The following WWOX variants were observed in gnomAD, a reference collection of about 807,000 sequenced individuals.
WWOX encodes WW domain containing oxidoreductase, also known as WW domain-containing oxidoreductase.
A neutral mutation model predicts 46.2 loss-of-function variants in WWOX; 69 were observed. The observed-to-expected ratio is 1.49, with a 90% CI of 1.23 to 1.82. WWOX has a LOEUF of 1.82. Among genes scored for constraint, WWOX ranks in the 40% most tolerant of loss-of-function variants. The pLI, the probability that WWOX is intolerant of heterozygous loss-of-function variation, is 0.00. For missense variants in WWOX, 919 were observed against 542.6 expected (o/e 1.69, Z -6.89); for synonymous variants, 359 against 202.6 (o/e 1.77, Z -6.56).
chr16:78,159,328 A>G (rs1257515436), intron 4 of WWOX, among the ~76,000 whole-genome samples: 1 of 152,208 alleles, frequency 6.6e-6, no homozygotes, highest in Non-Finnish European at 1.5e-5. Context: ...ATCCAGAAGT[A>G]GGATTGCTGG....
At chr16:78,211,596 A>G (rs2036561837) in intron 5 of WWOX, among the ~76,000 whole-genome samples, 1 of 152,066 alleles carries the variant, frequency 6.6e-6, no homozygotes, top group South Asian at 2.1e-4. Context: ...GACTACATTG[A>G]TGTCTTGGAA....
chr16:78,159,719 T>A lies in WWOX; in HGVS notation c.410-4464T>A, dbSNP rs1352285940. 5.3e-5 allele frequency among the ~76,000 whole-genome samples: 8 copies of A among 149,846 alleles called. 1 individual carries two copies. The highest frequency in any genetic ancestry group is 2.0e-4 in the African/African-American group (8 of 40,884). On this transcript the variant is annotated intron_variant, in intron 4 of 8. Transcript: ENST00000566780. ...TTGCTATTGGGTTTTAGGAGTTCCT[T>A]ATATATTTTGGATATGAACACTATC...
At chr16:79,200,274 G>A (rs1168740003) in intron 8 of WWOX, among the ~76,000 whole-genome samples, 3 of 152,178 alleles carry the variant, frequency 2.0e-5, no homozygotes, top group Non-Finnish European at 4.4e-5. Flanking sequence ...GAGGGCCTTG[G>A]CCACCAGAGG....
At position 78,422,730 on chromosome 16, in the gene WWOX, TAC is replaced by T. The variant is rs1273303713; in HGVS notation, c.606-2132_606-2131del. On this transcript the variant is annotated intron_variant, in intron 6 of 8. Coordinates refer to ENST00000566780, the MANE Select transcript of WWOX (RefSeq NM_016373.4). Reference sequence around the variant, plus strand: ...ATATATACACACACACATATATATATACACACACATATATATACACATATATA... The same window carrying T: ...ATATATACACACACACATATATATATACACACATATATATACACATATATA... Among the ~76,000 whole-genome samples the T allele has an allele frequency of 1.9e-3, 180 of 92,896 alleles. 5 individuals are homozygous for T. Among genetic ancestry groups the T allele is most frequent in the African/African-American group, 0.011 (170 of 16,062 alleles). 60.9% of individuals were successfully genotyped at this position (92,896 alleles called of 152,430 possible).
chr16:78,862,314 G>T (rs192552693), intron 8 of WWOX, among the ~76,000 whole-genome samples: 1 of 150,734 alleles, frequency 6.6e-6, no homozygotes, highest in African/African-American at 2.5e-5. Context: ...ACCTATGGGT[G>T]TGTCTTTCTA....
chr16:78,801,238 G>C lies in WWOX; in HGVS notation c.1056+368486G>C, dbSNP rs562682998. Among the ~76,000 whole-genome samples, 4 of 152,204 alleles carry C rather than the reference G, an allele frequency of 2.6e-5. No homozygotes were observed. In the East Asian group the frequency reaches 7.8e-4, roughly 30 times the overall value. ...CACTCACCATTTTTGTGGTGGGCAT[G>C]GTGGCTCATGCCTGTAATCCCAGCT... On this transcript the variant is annotated intron_variant, in intron 8 of 8. Transcript: ENST00000566780.
chr16:78,222,958 C>A (rs1025853084), intron 5 of WWOX, among the ~76,000 whole-genome samples: 2 of 152,178 alleles, frequency 1.3e-5, no homozygotes, highest in Admixed American at 1.3e-4. Context: ...TTGCTCAAGG[C>A]TCAGAGGGGA....
At chr16:79,036,327 T>C (rs2047865601) in intron 8 of WWOX, among the ~76,000 whole-genome samples, 1 of 152,202 alleles carries the variant, frequency 6.6e-6, no homozygotes, top group Non-Finnish European at 1.5e-5. Flanking sequence ...AATCGAAAAC[T>C]CATCACTCTT....
At chr16:78,358,826 A>G (rs1222455525) in intron 5 of WWOX, among the ~76,000 whole-genome samples, 1 of 151,118 alleles carries the variant, frequency 6.6e-6, no homozygotes, top group Non-Finnish European at 1.5e-5. Flanking sequence ...GACTTTTTAA[A>G]ATTCAAATAT....
In WWOX at chr16:78,137,935, C is replaced by G. The variant is rs139707286; in HGVS notation, c.409+22781C>G. ...TCTTATCCATAGTGTGTGGATATCA[C>G]AAACAGCACAAGAGGAAGTGAAAGG... On this transcript the variant is annotated intron_variant, in intron 4 of 8. Coordinates refer to ENST00000566780, the MANE Select transcript of WWOX (RefSeq NM_016373.4). Among the ~76,000 whole-genome samples, 377 of 150,298 alleles carry G rather than the reference C, an allele frequency of 2.5e-3. 17 individuals are homozygous for G. The Middle Eastern group carries it at 0.038, about 15-fold the overall frequency.
chr16:79,015,494 C>T (rs139635819), intron 8 of WWOX, among the ~76,000 whole-genome samples: 514 of 152,166 alleles, frequency 3.4e-3, no homozygotes, highest in Non-Finnish European at 5.0e-3. Flanking sequence ...TAAACTATAA[C>T]GTCTTTATTT....
chr16:78,413,607 C>T (rs1319886200), intron 6 of WWOX, among the ~76,000 whole-genome samples: 1 of 151,978 alleles, frequency 6.6e-6, no homozygotes, highest in African/African-American at 2.4e-5. Context: ...GCTATTTTCA[C>T]TTCTTTTGTG....
chr16:78,474,128 T>C (rs1028634132), intron 8 of WWOX, among the ~76,000 whole-genome samples: 5 of 152,248 alleles, frequency 3.3e-5, no homozygotes, highest in African/African-American at 1.2e-4. Flanking sequence ...GTAAAATGAC[T>C]GTTACACGTT....
chr16:78,868,669 C>G (rs2044059815), intron 8 of WWOX, among the ~76,000 whole-genome samples: 1 of 152,140 alleles, frequency 6.6e-6, no homozygotes, highest in Non-Finnish European at 1.5e-5. Flanking sequence ...AACAGTTTAG[C>G]AAGAGTCACT....
Position 78,262,056 on chromosome 16 carries a change from C to G in WWOX, c.516+97767C>G, listed in dbSNP as rs1044772299. On this transcript the variant is annotated intron_variant, in intron 5 of 8. Coordinates refer to ENST00000566780, the MANE Select transcript of WWOX (RefSeq NM_016373.4). ...AGTGAGTTGAGAGCATGCCATTGCGCTCTGCTCCAGCCTGGGCAAAAAGAG... is the reference window on the plus strand; with the variant it reads ...AGTGAGTTGAGAGCATGCCATTGCGGTCTGCTCCAGCCTGGGCAAAAAGAG... 3.7e-5 allele frequency among the ~76,000 whole-genome samples: 5 copies of G among 134,242 alleles called. No individual in the cohort carries two copies. In the East Asian group the frequency reaches 9.6e-4, roughly 26 times the overall value. 88.1% of individuals were successfully genotyped at this position (134,242 alleles called of 152,430 possible). A position where few individuals can be genotyped will look rare whatever the true frequency, so the allele number is the denominator to read the frequency against.
intron 8 of WWOX, among the ~76,000 whole-genome samples, chr16:79,137,968 A>G (rs1597408501): frequency 1.3e-5 from 2 of 152,304 alleles, no homozygotes; most frequent in Admixed American, 1.3e-4. Context: ...TGGTAAAAAT[A>G]ATTCTAGATG....
intron 8 of WWOX, among the ~76,000 whole-genome samples, chr16:79,078,881 A>G (rs1285823808): frequency 1.3e-5 from 2 of 152,176 alleles, no homozygotes; most frequent in Non-Finnish European, 2.9e-5. Flanking sequence ...CAGGCACATA[A>G]TAGGTGCTCA....
At chr16:79,089,973 A>C (rs957793860) in intron 8 of WWOX, 1 of 147,252 alleles carries the variant, frequency 6.8e-6, no homozygotes, top group South Asian at 2.3e-4. Context: ...AAAAAAAAAA[A>C]GGGGGGGCCG....
chr16:79,179,962 C>A (rs1013446857), intron 8 of WWOX, among the ~76,000 whole-genome samples: 1 of 152,146 alleles, frequency 6.6e-6, no homozygotes, highest in African/African-American at 2.4e-5. Context: ...ACATACAAGA[C>A]TTAAGTCCAT....
Sources: gnomAD v4.1 joint callset for allele counts (sites outside exome capture counted in the v4.1 genomes callset) on GRCh38, gnomAD v4.1.1 for gene constraint, MANE v1.5 for transcripts, NCBI Gene and HGNC (gene_info 2026-07-23, HGNC 2026-07-21) for gene names.